The following CMKLR2 variants were observed in gnomAD, a reference collection of about 807,000 sequenced individuals.
CMKLR2 encodes the protein chemerin chemokine-like receptor 2.
CMKLR2 carries 18 observed loss-of-function variants against 23.0 expected under a neutral mutation model. That is an observed-to-expected ratio of 0.78 (90% CI 0.54 to 1.16). The LOEUF is 1.16. Among genes scored for constraint, CMKLR2 ranks in the 50% most tolerant of loss-of-function variants. The pLI is 0.00. For missense variants in CMKLR2, 401 were observed against 412.7 expected (o/e 0.97, Z 0.25); for synonymous variants, 158 against 158.9 (o/e 0.99, Z 0.05).
At chr2:206,205,862 G>A (rs1463336688) in intron 1 of CMKLR2, among the ~76,000 whole-genome samples, 1 of 151,810 alleles carries the variant, frequency 6.6e-6, no homozygotes, top group African/African-American at 2.4e-5. Context: ...ACCATGCCCG[G>A]CTAATTTTGT....
chr2:206,194,458 C>CT (rs369564233), intron 1 of CMKLR2, among the ~76,000 whole-genome samples: 13,477 of 127,660 alleles, frequency 0.11, 951 homozygotes, highest in Admixed American at 0.17. Flanking sequence ...TCGTTATGGG[C>CT]TTTTTTTTTT....
chr2:206,201,045 G>T (rs1689078988), intron 1 of CMKLR2, among the ~76,000 whole-genome samples: 1 of 152,004 alleles, frequency 6.6e-6, no homozygotes, highest in Non-Finnish European at 1.5e-5. Context: ...TCAAACTCCT[G>T]GACTCAAGGG....
At chr2:206,193,571 T>A (rs144749406) in intron 1 of CMKLR2, among the ~76,000 whole-genome samples, 380 of 152,326 alleles carry the variant, frequency 2.5e-3, no homozygotes, top group Middle Eastern at 0.014. Flanking sequence ...GATATGTTCA[T>A]CCATATAAAG....
At chr2:206,181,648 A>G (rs1688416487) in intron 1 of CMKLR2, among the ~76,000 whole-genome samples, 1 of 152,178 alleles carries the variant, frequency 6.6e-6, no homozygotes, top group South Asian at 2.1e-4. Context: ...GTGAAAAGAA[A>G]ATGTTATTAG....
intron 1 of CMKLR2, among the ~76,000 whole-genome samples, chr2:206,209,873 T>C (rs1341372039): frequency 4.6e-5 from 7 of 151,724 alleles, no homozygotes; most frequent in African/African-American, 1.2e-4. Flanking sequence ...TGGTCTCGAT[T>C]TCCTGACCTC....
At chr2:206,204,676 C>T (rs772721242) in intron 1 of CMKLR2, among the ~76,000 whole-genome samples, 2 of 152,062 alleles carry the variant, frequency 1.3e-5, no homozygotes, top group Non-Finnish European at 2.9e-5. Flanking sequence ...CCTCTGCCCT[C>T]AGCCTCCTGA....
At chr2:206,198,702 C>A (rs893856123) in intron 1 of CMKLR2, among the ~76,000 whole-genome samples, 1 of 152,172 alleles carries the variant, frequency 6.6e-6, no homozygotes, top group Non-Finnish European at 1.5e-5. Flanking sequence ...ATTGTACCTC[C>A]CTCATTCCTC....
intron 1 of CMKLR2, among the ~76,000 whole-genome samples, chr2:206,194,992 G>A (rs995574778): frequency 2.6e-5 from 4 of 151,720 alleles, no homozygotes; most frequent in African/African-American, 9.7e-5. Context: ...TCCTGACCTC[G>A]TGATCTGCCC....
chr2:206,204,215 G>A (rs1288388896), intron 1 of CMKLR2, among the ~76,000 whole-genome samples: 1 of 151,892 alleles, frequency 6.6e-6, no homozygotes, highest in African/African-American at 2.4e-5. Flanking sequence ...AGCCGGGCGT[G>A]GTGGCGGGCA....
At chr2:206,202,859 C>T (rs1279159727) in intron 1 of CMKLR2, among the ~76,000 whole-genome samples, 1 of 152,068 alleles carries the variant, frequency 6.6e-6, no homozygotes, top group African/African-American at 2.4e-5. Flanking sequence ...CCTGTCACCC[C>T]TCCATCCACT....
At chr2:206,207,728 C>CTTTTTTTTTTGTTTT (rs1689383497) in intron 1 of CMKLR2, among the ~76,000 whole-genome samples, 1 of 43,582 alleles carries the variant, frequency 2.3e-5, no homozygotes, top group Non-Finnish European at 3.7e-5. Flanking sequence ...ACCTCAGGGC[C>CTTTTTTTTTTGTTTT]TTTTTTTTTT....
At chr2:206,177,775 C>T (rs555538907) in intron 1 of CMKLR2, among the ~76,000 whole-genome samples, 3 of 152,278 alleles carry the variant, frequency 2.0e-5, no homozygotes, top group Admixed American at 2.0e-4. Context: ...TTATCATTCT[C>T]CCAGCATGAG....
At chr2:206,214,296 C>T (rs540752572), upstream of CMKLR2, among the ~76,000 whole-genome samples, 16 of 151,108 alleles carry the variant, frequency 1.1e-4, no homozygotes, top group African/African-American at 3.9e-4. Context: ...GTCAGCCTCC[C>T]AAGTAGCTGG....
chr2:206,188,582 GT>G (rs1220230696), intron 1 of CMKLR2, among the ~76,000 whole-genome samples: 1 of 152,186 alleles, frequency 6.6e-6, no homozygotes, highest in African/African-American at 2.4e-5. Context: ...TCTTAAAAAT[GT>G]GTGAAAAATG....
At position 206,175,972 on chromosome 2, in the gene CMKLR2, A is replaced by G. The variant is rs1045237291; in HGVS notation, c.*208T>C. 1 of 410,618 alleles carries G rather than the reference A, an allele frequency of 2.4e-6. No individual in the cohort carries two copies. The highest frequency in any genetic ancestry group is 2.0e-5 in the African/African-American group (1 of 48,890). The allele number at this position is 410,618 out of a possible 1,614,324, so 25.4% of individuals were successfully genotyped here. A position where few individuals can be genotyped will look rare whatever the true frequency, so the allele number is the denominator to read the frequency against. ...CTTCCTAAGTATTTTCAGTTTTTTA[A>G]AAAAAATTTATTGCCACATCACAAG... On this transcript the variant is annotated 3_prime_UTR_variant, in exon 2 of 2. Transcript: ENST00000621141.
intron 1 of CMKLR2, among the ~76,000 whole-genome samples, chr2:206,199,576 C>A (rs1296004434): frequency 6.6e-6 from 1 of 151,830 alleles, no homozygotes; most frequent in African/African-American, 2.4e-5. Context: ...TATTCTTAGC[C>A]TATTTTGTAT....
intron 1 of CMKLR2, among the ~76,000 whole-genome samples, chr2:206,210,032 C>T (rs1200073196): frequency 2.0e-5 from 3 of 150,598 alleles, no homozygotes; most frequent in Non-Finnish European, 3.0e-5. Context: ...GGCATAATCT[C>T]GGCTCACTGC....
At chr2:206,178,927 G>A (rs1020678564) in intron 1 of CMKLR2, among the ~76,000 whole-genome samples, 1 of 151,954 alleles carries the variant, frequency 6.6e-6, no homozygotes, top group African/African-American at 2.4e-5. Flanking sequence ...GGGATTACAG[G>A]TGTAAGCCAG....
intron 1 of CMKLR2, among the ~76,000 whole-genome samples, chr2:206,180,734 C>CATTATT (rs58356678): frequency 0.023 from 2,986 of 130,522 alleles, 82 homozygotes; most frequent in African/African-American, 0.05. Context: ...GTGCCCAGCC[C>CATTATT]ATTATTATTA....
Sources: allele counts gnomAD v4.1 joint callset (sites outside exome capture counted in the v4.1 genomes callset), GRCh38; gene constraint gnomAD v4.1.1; transcripts MANE v1.5; gene names NCBI Gene and HGNC (gene_info 2026-07-23, HGNC 2026-07-21).